Variants in TMEM117 observed in about 807,000 individuals in gnomAD.
TMEM117 encodes the protein transmembrane protein 117.
Under a neutral mutation model 52.4 loss-of-function variants are expected in TMEM117, and 27 were observed. That is an observed-to-expected ratio of 0.51 (90% CI 0.38 to 0.71). The LOEUF (loss-of-function observed/expected upper bound fraction) is 0.71. Ranked by LOEUF, TMEM117 falls within the 30% of genes least tolerant of loss-of-function variation. TMEM117 has a pLI of 0.00. For missense variants in TMEM117, 556 were observed against 630.5 expected (o/e 0.88, Z 1.26); for synonymous variants, 215 against 206.3 (o/e 1.04, Z -0.36).
intron 2 of TMEM117, among the ~76,000 whole-genome samples, chr12:43,887,007 C>T (rs1472233430): frequency 6.6e-6 from 1 of 152,094 alleles, no homozygotes; most frequent in Non-Finnish European, 1.5e-5. Context: ...GCCACGACAA[C>T]CAGCTAATTT....
intron 1 of TMEM117, among the ~76,000 whole-genome samples, chr12:43,842,558 T>C (rs540470758): frequency 6.6e-6 from 1 of 152,176 alleles, no homozygotes; most frequent in Non-Finnish European, 1.5e-5. Flanking sequence ...CCCAGAATAT[T>C]GGATTGGGAC....
At chr12:44,223,642 C>T (rs17094313) in intron 5 of TMEM117, among the ~76,000 whole-genome samples, 16,127 of 152,130 alleles carry the variant, frequency 0.11, 945 homozygotes, top group Middle Eastern at 0.2. Context: ...GAATAGGCTG[C>T]TCACATTTTA....
chr12:44,138,676 A>C (rs1948527334), intron 3 of TMEM117, among the ~76,000 whole-genome samples: 4 of 152,194 alleles, frequency 2.6e-5, no homozygotes, highest in Admixed American at 2.6e-4. Context: ...TACAGCTAAC[A>C]ATTGTCTGCA....
intron 2 of TMEM117, among the ~76,000 whole-genome samples, chr12:43,865,823 A>G (rs1943585600): frequency 6.6e-6 from 1 of 151,948 alleles, no homozygotes; most frequent in Non-Finnish European, 1.5e-5. Context: ...GATTAGCCAA[A>G]TCAGGCCTTC....
intron 3 of TMEM117, among the ~76,000 whole-genome samples, chr12:43,955,296 A>G (rs747539032): frequency 6.6e-6 from 1 of 152,216 alleles, no homozygotes; most frequent in Non-Finnish European, 1.5e-5. Flanking sequence ...TGGCCAGGGC[A>G]ATCAAGCAAG....
At chr12:43,881,676 C>G (rs1161198041) in intron 2 of TMEM117, among the ~76,000 whole-genome samples, 2 of 150,010 alleles carry the variant, frequency 1.3e-5, no homozygotes, top group African/African-American at 4.9e-5. Flanking sequence ...GTAATCCCAG[C>G]TACTCAGGAG....
intron 4 of TMEM117, among the ~76,000 whole-genome samples, chr12:44,144,924 G>A (rs531251543): frequency 3.6e-4 from 55 of 152,268 alleles, no homozygotes; most frequent in African/African-American, 5.5e-4. Context: ...TTGGGAGGCC[G>A]AGGCGGGCGG....
chr12:44,340,119 A>G (rs1355781931), intron 6 of TMEM117, among the ~76,000 whole-genome samples: 2 of 152,146 alleles, frequency 1.3e-5, no homozygotes, highest in Non-Finnish European at 1.5e-5. Context: ...GGTATTTTAC[A>G]TCAGTCAGGG....
At chr12:44,365,145 A>G (rs1951772917) in intron 6 of TMEM117, among the ~76,000 whole-genome samples, 1 of 152,038 alleles carries the variant, frequency 6.6e-6, no homozygotes, top group Non-Finnish European at 1.5e-5. Flanking sequence ...ATGGCCATAA[A>G]CCATCTACAG....
intron 5 of TMEM117, among the ~76,000 whole-genome samples, chr12:44,215,435 A>G (rs76980159): frequency 0.019 from 2,926 of 152,146 alleles, 89 homozygotes; most frequent in African/African-American, 0.066. Context: ...AGGAATATGT[A>G]TAGATCTCTT....
At chr12:44,248,735 C>A in intron 5 of TMEM117, 1 of 166,810 alleles carries the variant, frequency 6.0e-6, no homozygotes, top group South Asian at 1.7e-4. Flanking sequence ...GGGCTGTGTT[C>A]CACAGTGCCT....
intron 3 of TMEM117, among the ~76,000 whole-genome samples, chr12:44,133,588 C>A (rs1000638818): frequency 2.0e-5 from 3 of 151,840 alleles, no homozygotes; most frequent in Non-Finnish European, 4.4e-5. Context: ...GCGTGAAATT[C>A]TTGGTGGTTA....
At chr12:43,854,161 T>C (rs1399970324) in intron 2 of TMEM117, among the ~76,000 whole-genome samples, 1 of 152,124 alleles carries the variant, frequency 6.6e-6, no homozygotes, top group Non-Finnish European at 1.5e-5. Flanking sequence ...ATGTGTGAGA[T>C]GATGACAAGA....
chr12:43,959,103 G>C (rs138760985), intron 3 of TMEM117, among the ~76,000 whole-genome samples: 15 of 152,308 alleles, frequency 9.8e-5, no homozygotes, highest in African/African-American at 3.6e-4. Flanking sequence ...CACCGCGCCC[G>C]GCCAAAATGC....
At position 44,171,076 on chromosome 12, in the gene TMEM117, C is replaced by T. The variant is rs532241384; in HGVS notation, c.510+27452C>T. 8.8e-3 allele frequency among the ~76,000 whole-genome samples: 1,246 copies of T among 142,128 alleles called. 14 individuals are homozygous for T. The highest frequency in any genetic ancestry group is 0.031 in the African/African-American group (1,179 of 38,128). The allele number at this position is 142,128 out of a possible 152,430, so 93.2% of individuals were successfully genotyped here. On this transcript the variant is annotated intron_variant, in intron 4 of 7. Coordinates refer to ENST00000266534, the MANE Select transcript of TMEM117 (RefSeq NM_032256.3). ...TGTCGCCCAGGCTGGAGTGCAGTGG[C>T]GGGATCTCAGCTCACTGCAAGCTCC...
At chr12:44,208,725 G>GGTT (rs1949604609) in intron 4 of TMEM117, among the ~76,000 whole-genome samples, 1 of 68,828 alleles carries the variant, frequency 1.5e-5, no homozygotes, top group Admixed American at 2.0e-4. Flanking sequence ...CAGAAAGAAT[G>GGTT]TTTTTTTTTT....
intron 2 of TMEM117, among the ~76,000 whole-genome samples, chr12:43,851,031 A>C (rs1043846011): frequency 1.3e-5 from 2 of 152,162 alleles, no homozygotes; most frequent in Non-Finnish European, 2.9e-5. Flanking sequence ...TTTTTATATA[A>C]TTCTCTAATA....
chr12:43,894,360 G>A (rs1319672315), intron 2 of TMEM117, among the ~76,000 whole-genome samples: 1 of 152,050 alleles, frequency 6.6e-6, no homozygotes, highest in Non-Finnish European at 1.5e-5. Flanking sequence ...CATCCCTAGT[G>A]TCACATTACA....
At chr12:43,989,686 A>G (rs368098878) in intron 3 of TMEM117, among the ~76,000 whole-genome samples, 24 of 152,066 alleles carry the variant, frequency 1.6e-4, no homozygotes, top group South Asian at 4.1e-4. Flanking sequence ...AAGCCTTATG[A>G]GAATGTCATA....
Sources: gnomAD v4.1 joint callset for allele counts (sites outside exome capture counted in the v4.1 genomes callset) on GRCh38, gnomAD v4.1.1 for gene constraint, MANE v1.5 for transcripts, NCBI Gene and HGNC (gene_info 2026-07-23, HGNC 2026-07-21) for gene names.